The following VMP1 variants were observed in gnomAD, a reference collection of about 807,000 sequenced individuals.
VMP1 encodes vacuole membrane protein 1.
A neutral mutation model predicts 56.0 loss-of-function variants in VMP1; 11 were observed. The observed-to-expected ratio is 0.20, with a 90% CI of 0.12 to 0.32. VMP1 has a LOEUF of 0.32. Ranked by LOEUF, VMP1 falls within the 10% of genes least tolerant of loss-of-function variation. The probability of loss-of-function intolerance (pLI) is 1.00; values close to 1 mark genes in which losing one functional copy is unlikely to be tolerated. For synonymous variants in VMP1, 149 were observed against 165.0 expected (o/e 0.90, Z 0.74); for missense variants, 296 against 490.3 (o/e 0.60, Z 3.74).
intron 5 of VMP1, among the ~76,000 whole-genome samples, chr17:59,761,061 C>A (rs1420319379): frequency 2.0e-5 from 3 of 152,022 alleles, no homozygotes; most frequent in Admixed American, 6.6e-5. Context: ...TGCCACCATG[C>A]CCGGCTAATT....
intron 10 of VMP1, among the ~76,000 whole-genome samples, chr17:59,836,884 A>C (rs1338758322): frequency 9.9e-5 from 15 of 152,082 alleles, no homozygotes; most frequent in Non-Finnish European, 1.5e-5. Flanking sequence ...TTTTGTTATA[A>C]AAAGCAGCAA....
At chr17:59,815,117 T>G (rs578067659) in intron 9 of VMP1, among the ~76,000 whole-genome samples, 1 of 152,176 alleles carries the variant, frequency 6.6e-6, no homozygotes, top group Non-Finnish European at 1.5e-5. Flanking sequence ...TTTATTGATG[T>G]CTTCCTCTTA....
intron 10 of VMP1, among the ~76,000 whole-genome samples, chr17:59,828,698 T>C (rs759581048): frequency 6.6e-6 from 1 of 152,232 alleles, no homozygotes; most frequent in Non-Finnish European, 1.5e-5. Flanking sequence ...ATTTATTTTA[T>C]GTTGGGGTGC....
intron 9 of VMP1, among the ~76,000 whole-genome samples, chr17:59,812,113 T>C (rs1188171231): frequency 6.6e-6 from 1 of 152,188 alleles, no homozygotes; most frequent in Non-Finnish European, 1.5e-5. Context: ...ACATCATTTT[T>C]ATATACACAG....
intron 5 of VMP1, among the ~76,000 whole-genome samples, chr17:59,751,455 G>T (rs2035638504): frequency 6.6e-6 from 1 of 151,796 alleles, no homozygotes; most frequent in Admixed American, 6.6e-5. Context: ...CTTAATAATG[G>T]TCTAGACCGG....
chr17:59,743,265 A>C (rs984887331), intron 5 of VMP1, among the ~76,000 whole-genome samples: 1 of 151,872 alleles, frequency 6.6e-6, no homozygotes, highest in Non-Finnish European at 1.5e-5. Context: ...CCACTTCCCC[A>C]CCTGCCCCCA....
chr17:59,813,409 C>T (rs1488410022), intron 9 of VMP1, among the ~76,000 whole-genome samples: 1 of 151,952 alleles, frequency 6.6e-6, no homozygotes, highest in Non-Finnish European at 1.5e-5. Flanking sequence ...GAAACCCTGT[C>T]TCTACTAAAA....
chr17:59,735,807 A>G (rs8070961), intron 3 of VMP1: 25,624 of 197,464 alleles, frequency 0.13, 2,004 homozygotes, highest in Middle Eastern at 0.25. Flanking sequence ...ATTTAGATAC[A>G]CTGATTCTTT....
intron 5 of VMP1, among the ~76,000 whole-genome samples, chr17:59,747,474 A>G (rs1598331160): frequency 6.6e-6 from 1 of 150,692 alleles, no homozygotes. Flanking sequence ...CAGTGGCACA[A>G]TCTCGGCTCG....
intron 5 of VMP1, among the ~76,000 whole-genome samples, chr17:59,750,244 A>G (rs1454767733): frequency 6.6e-6 from 1 of 152,052 alleles, no homozygotes; most frequent in Non-Finnish European, 1.5e-5. Flanking sequence ...TAAACATTTT[A>G]TTATGCTCTT....
At chr17:59,806,911 A>AT (rs761346637) in intron 7 of VMP1, among the ~76,000 whole-genome samples, 5 of 150,884 alleles carry the variant, frequency 3.3e-5, no homozygotes, top group Non-Finnish European at 5.9e-5. Flanking sequence ...GACTGATCAT[A>AT]TTTTTTTTTA....
chr17:59,736,897 C>G (rs1414600940), intron 3 of VMP1, among the ~76,000 whole-genome samples: 2 of 151,518 alleles, frequency 1.3e-5, no homozygotes, highest in Non-Finnish European at 2.9e-5. Context: ...AAAAATTAGC[C>G]GGGCATGGTG....
chr17:59,738,782 A>G, intron 4 of VMP1, 55 bp from the exon 5 acceptor site: 1 of 1,225,400 alleles, frequency 8.2e-7, no homozygotes, highest in Non-Finnish European at 1.2e-6. Context: ...TGGTTTATAA[A>G]TACCGCATTT....
chr17:59,724,970 AAAAAAACAAAAAC>A (rs1384113570), intron 1 of VMP1, among the ~76,000 whole-genome samples: 1 of 145,020 alleles, frequency 6.9e-6, no homozygotes, highest in East Asian at 2.1e-4. Flanking sequence ...TGTCTCAAAA[AAAAAAACAAAAAC>A]AAAAAACAAA....
chr17:59,764,668 G>A (rs2036171656), intron 5 of VMP1, among the ~76,000 whole-genome samples: 1 of 152,082 alleles, frequency 6.6e-6, no homozygotes, highest in African/African-American at 2.4e-5. Flanking sequence ...TATCTTGATT[G>A]GTGTGGTTAT....
chr17:59,766,298 G>A (rs966235577), intron 6 of VMP1, among the ~76,000 whole-genome samples: 2 of 152,140 alleles, frequency 1.3e-5, no homozygotes, highest in African/African-American at 2.4e-5. Context: ...GAGGCCAGGA[G>A]TTCGAGATCA....
intron 5 of VMP1, among the ~76,000 whole-genome samples, chr17:59,758,850 T>C (rs1235721530): frequency 6.6e-6 from 1 of 151,976 alleles, no homozygotes; most frequent in African/African-American, 2.4e-5. Context: ...ATCCCAGCAC[T>C]TTGAGAGACT....
chr17:59,821,613 T>A (rs1357589134), intron 10 of VMP1, among the ~76,000 whole-genome samples: 1 of 148,656 alleles, frequency 6.7e-6, no homozygotes, highest in African/African-American at 2.5e-5. Context: ...TGGTGCGATC[T>A]CAGATCTCGA....
chr17:59,800,327 A>C (rs916170327), intron 7 of VMP1, among the ~76,000 whole-genome samples: 1 of 152,200 alleles, frequency 6.6e-6, no homozygotes, highest in Non-Finnish European at 1.5e-5. Context: ...TACTATGCTG[A>C]AAAAACTTAA....
Sources: allele counts gnomAD v4.1 joint callset (sites outside exome capture counted in the v4.1 genomes callset), GRCh38; gene constraint gnomAD v4.1.1; transcripts MANE v1.5; gene names NCBI Gene and HGNC (gene_info 2026-07-23, HGNC 2026-07-21).